The following APP variants were observed in gnomAD, a reference collection of about 807,000 sequenced individuals.
APP encodes amyloid beta precursor protein.
APP carries 31 observed loss-of-function variants against 101.4 expected under a neutral mutation model. The ratio of observed to expected loss-of-function variants is 0.31; its 90% CI spans 0.23 to 0.41. APP has a LOEUF of 0.41. Ranked by LOEUF, APP falls within the 10% of genes least tolerant of loss-of-function variation. The pLI is 1.00. For synonymous variants in APP, 366 were observed against 364.4 expected (o/e 1.00, Z -0.05); for missense variants, 839 against 1,003.7 (o/e 0.84, Z 2.22).
intron 2 of APP, among the ~76,000 whole-genome samples, chr21:26,090,636 T>G (rs2061803958): frequency 6.6e-6 from 1 of 152,182 alleles, no homozygotes; most frequent in Non-Finnish European, 1.5e-5. Context: ...TGATTTTTGA[T>G]GTGAAATAAA....
chr21:26,028,057 G>GA (rs2044659376), intron 5 of APP, among the ~76,000 whole-genome samples: 3 of 151,840 alleles, frequency 2.0e-5, no homozygotes, highest in Admixed American at 2.0e-4. Flanking sequence ...TTAGCTGGAC[G>GA]TGGGGGTGCA....
At chr21:25,900,397 AAAAAAAAAAAAATT>A (rs2146277002) in intron 15 of APP, among the ~76,000 whole-genome samples, 1 of 140,262 alleles carries the variant, frequency 7.1e-6, no homozygotes, top group South Asian at 2.1e-4. Context: ...AAAAAAAAAA[AAAAAAAAAAAAATT>A]AGCCAGGTGT....
chr21:26,078,724 T>G (rs1470378466), intron 3 of APP, among the ~76,000 whole-genome samples: 1 of 152,130 alleles, frequency 6.6e-6, no homozygotes, highest in Non-Finnish European at 1.5e-5. Flanking sequence ...GTCTGGAAAG[T>G]TATTTACTGG....
intron 12 of APP, among the ~76,000 whole-genome samples, 171 bp downstream of exon 12, chr21:25,955,456 C>T (rs2041272281): frequency 6.6e-6 from 1 of 152,116 alleles, no homozygotes; most frequent in Non-Finnish European, 1.5e-5. Flanking sequence ...AAATGCCAAA[C>T]CACATATTGC....
At chr21:25,897,470 T>C in intron 16 of APP, 103 bp downstream of exon 16, 1 of 954,612 alleles carries the variant, frequency 1.0e-6, no homozygotes, top group Non-Finnish European at 1.7e-6. Context: ...GCATTGTATT[T>C]TTATCTTTTC....
intron 4 of APP, among the ~76,000 whole-genome samples, chr21:26,052,902 C>G (rs2045893544): frequency 6.6e-6 from 1 of 152,136 alleles, no homozygotes; most frequent in Non-Finnish European, 1.5e-5. Flanking sequence ...ATGGCACAGA[C>G]AACTTATATT....
At position 25,992,527 on chromosome 21, in the gene APP, T is replaced by C. The variant is rs534110704; in HGVS notation, c.1090+4833A>G. Among the ~76,000 whole-genome samples the C allele has an allele frequency of 1.1e-4, 17 of 152,328 alleles. No homozygotes were observed. In the South Asian group the frequency reaches 3.5e-3, roughly 32 times the overall value. On this transcript the variant is annotated intron_variant, in intron 8 of 17. Transcript: ENST00000346798. ...AAATCTGAAGCACTTCTGGTCCCATTTTAGAGAAGAGATATTTAACCTGTA... is the reference window on the plus strand; with the variant it reads ...AAATCTGAAGCACTTCTGGTCCCATCTTAGAGAAGAGATATTTAACCTGTA...
intron 17 of APP, 90 bp downstream of exon 17, chr21:25,891,632 A>G (rs1347372296): frequency 1.5e-6 from 2 of 1,297,230 alleles, no homozygotes; most frequent in African/African-American, 2.9e-5. Context: ...TTTTTAAAAG[A>G]GATACTTAGC....
At chr21:26,059,945 T>C (rs1257800746) in intron 3 of APP, among the ~76,000 whole-genome samples, 1 of 137,268 alleles carries the variant, frequency 7.3e-6, no homozygotes, top group Non-Finnish European at 1.5e-5. Context: ...ACTGAGAGAC[T>C]ATGTAACAGT....
rs139654045 is a variant in APP at position 26,150,748 on chromosome 21, G to C, written c.57+19816C>G. Among the ~76,000 whole-genome samples the C allele has an allele frequency of 3.3e-5, 5 of 152,276 alleles. No homozygotes were observed. The East Asian group carries it at 9.6e-4, about 29-fold the overall frequency. On this transcript the variant is annotated intron_variant, in intron 1 of 17. Coordinates refer to ENST00000346798, the MANE Select transcript of APP (RefSeq NM_000484.4). ...TATCCCAATGCTTGGCATAGTGTTG[G>C]TGTTCAATTAATGCACCAAATAAAT...
chr21:26,022,450 C>T (rs916683332), intron 5 of APP, among the ~76,000 whole-genome samples: 1 of 152,072 alleles, frequency 6.6e-6, no homozygotes, highest in African/African-American at 2.4e-5. Context: ...TTGTCAAAAC[C>T]AAGAGACTAT....
At chr21:26,108,424 T>C (rs2062233231) in intron 2 of APP, among the ~76,000 whole-genome samples, 1 of 152,190 alleles carries the variant, frequency 6.6e-6, no homozygotes, top group South Asian at 2.1e-4. Flanking sequence ...ACATTTCAAG[T>C]GCCAAACAAC....
At chr21:25,893,058 G>A (rs533115757) in intron 16 of APP, among the ~76,000 whole-genome samples, 222 of 152,132 alleles carry the variant, frequency 1.5e-3, no homozygotes, top group Non-Finnish European at 2.8e-3. Context: ...TCACATTTTG[G>A]TAATTATTTA....
In APP at chr21:25,881,641, C is replaced by T. The variant is rs2036989568; in HGVS notation, c.*29G>A. 6.2e-7 allele frequency: 1 copy of T among 1,606,320 alleles called. No homozygotes were observed. The highest frequency in any genetic ancestry group is 1.1e-5 in the South Asian group (1 of 90,880). On this transcript the variant is annotated 3_prime_UTR_variant, in exon 18 of 18. Transcript: ENST00000346798. ...GGTAGTGAAGCAATGGTTTTGCTGT[C>T]CAACTTCAGAGGCTGCTGTGGCGGG...
intron 17 of APP, among the ~76,000 whole-genome samples, chr21:25,889,794 C>T (rs558070565): frequency 2.6e-5 from 4 of 152,018 alleles, no homozygotes; most frequent in African/African-American, 2.4e-5. Context: ...TTGCAGTGAG[C>T]GGAGATCATG....
At position 25,954,638 on chromosome 21, in the gene APP, G is replaced by C; in HGVS notation, c.1639C>G (p.Leu547Val). Reference protein sequence around the residue: ...IYERMNQSLSLLYNVPAVAEE... With the variant: ...IYERMNQSLSVLYNVPAVAEE... ...GCCACTGCAGGCACGTTGTAGAGCA[G>C]GGAGAGAGACTGATTCATGCGCTCA... The change falls in exon 13 of 18, where the codon CTG becomes GTG. Residue 547 changes from leucine (L) to valine (V), a missense_variant. By Grantham distance (32) the Leu-to-Val change is conservative. Coordinates refer to ENST00000346798, the MANE Select transcript of APP (RefSeq NM_000484.4). The C allele has an allele frequency of 6.2e-7, 1 of 1,614,172 alleles. No homozygotes were observed. The highest frequency in any genetic ancestry group is 1.3e-5 in the African/African-American group (1 of 75,054).
At chr21:26,066,142 A>G (rs922091516) in intron 3 of APP, among the ~76,000 whole-genome samples, 1 of 152,318 alleles carries the variant, frequency 6.6e-6, no homozygotes, top group East Asian at 1.9e-4. Context: ...GGGCCTTGTT[A>G]AAATGCAGGT....
intron 2 of APP, among the ~76,000 whole-genome samples, chr21:26,093,041 T>C (rs1483259618): frequency 6.6e-6 from 1 of 152,190 alleles, no homozygotes; most frequent in Non-Finnish European, 1.5e-5. Context: ...GGGATCCTGC[T>C]ATTAATACTT....
At chr21:25,898,651 A>G (rs1460262708) in intron 15 of APP, among the ~76,000 whole-genome samples, 1 of 152,190 alleles carries the variant, frequency 6.6e-6, no homozygotes, top group Non-Finnish European at 1.5e-5. Context: ...CTTTTTTTAC[A>G]TGAAGCCAGA....
Sources: gnomAD v4.1 joint callset for allele counts (sites outside exome capture counted in the v4.1 genomes callset) on GRCh38, gnomAD v4.1.1 for gene constraint, MANE v1.5 for transcripts, NCBI Gene and HGNC (gene_info 2026-07-23, HGNC 2026-07-21) for gene names.